Variants in ZSWIM5 observed in about 807,000 individuals in gnomAD.
ZSWIM5 encodes the protein zinc finger SWIM-type containing 5, also known as zinc finger SWIM domain-containing protein 5.
A neutral mutation model predicts 119.6 loss-of-function variants in ZSWIM5; 55 were observed. The ratio of observed to expected loss-of-function variants is 0.46; its 90% CI spans 0.37 to 0.58. ZSWIM5 has a LOEUF of 0.58. ZSWIM5 is among the 20% of genes least tolerant of loss of function. The pLI, the probability that ZSWIM5 is intolerant of heterozygous loss-of-function variation, is 0.00. For synonymous variants in ZSWIM5, 537 were observed against 606.9 expected (o/e 0.88, Z 1.69); for missense variants, 1,193 against 1,512.8 (o/e 0.79, Z 3.51).
chr1:45,173,280 C>T (rs1051624092), intron 1 of ZSWIM5, among the ~76,000 whole-genome samples: 13 of 152,062 alleles, frequency 8.5e-5, no homozygotes, highest in African/African-American at 1.9e-4. Flanking sequence ...GTCTCAATAA[C>T]GGAGCTACTG....
chr1:45,056,916 A>C (rs1425097172), intron 4 of ZSWIM5, among the ~76,000 whole-genome samples: 7 of 152,216 alleles, frequency 4.6e-5, no homozygotes, highest in African/African-American at 1.7e-4. Flanking sequence ...TCTAGTTCAG[A>C]AATGGAAAGT....
Position 45,019,974 on chromosome 1 carries a change from AAT to A in ZSWIM5, c.2695+90_2695+91del. 9.2e-7 allele frequency: 1 copy of A among 1,087,182 alleles called. No individual in the cohort carries two copies. The highest frequency in any genetic ancestry group is 1.4e-6 in the Non-Finnish European group (1 of 721,338). The allele number at this position is 1,087,182 out of a possible 1,614,324, so 67.3% of individuals were successfully genotyped here. ...CCTGATGGACCTAAGATCTCATAGG[AAT>A]ATGAGAGCTCTAAGGATTGATTGTC... On this transcript the variant is annotated intron_variant, in intron 13 of 13. Transcript: ENST00000359600. The surrounding 1 kb of genome is among the most constrained non-coding windows in gnomAD (Gnocchi z 5.0).
intron 5 of ZSWIM5, among the ~76,000 whole-genome samples, chr1:45,048,268 G>A (rs55741524): frequency 2.0e-5 from 3 of 151,938 alleles, no homozygotes; most frequent in Non-Finnish European, 2.9e-5. Context: ...TCGAACTCCT[G>A]AGTTCAAGGG....
chr1:45,204,365 C>T (rs1646174932), intron 1 of ZSWIM5, among the ~76,000 whole-genome samples: 2 of 152,140 alleles, frequency 1.3e-5, no homozygotes, highest in Non-Finnish European at 2.9e-5. Context: ...TAAAGCTGTA[C>T]ACCTTAATTA....
At chr1:45,061,832 T>G (rs911346769) in intron 2 of ZSWIM5, among the ~76,000 whole-genome samples, 3 of 151,430 alleles carry the variant, frequency 2.0e-5, no homozygotes, top group Non-Finnish European at 4.4e-5. Flanking sequence ...GGCTCATGCC[T>G]GCACTCCCAG....
Position 45,043,343 on chromosome 1 carries a change from A to G in ZSWIM5, c.1485T>C (p.Arg495=), listed in dbSNP as rs904468757. ...GGTGGCTATCCTGCCAATGTAATTC[A>G]CGCCCCTCAATGGCTCTAGTGAATA... The part of the protein sequence containing the change: ...RTVFTRAIEG[R]ELHWQDSHLQ... Residue 495 remains arginine, a synonymous_variant, in exon 6 of 14, where the codon CGT becomes CGC. Coordinates refer to ENST00000359600, the MANE Select transcript of ZSWIM5 (RefSeq NM_020883.2). The G allele has an allele frequency of 3.7e-6, 6 of 1,614,120 alleles. No homozygotes were observed. The African/African-American group carries it at 5.3e-5, about 14-fold the overall frequency.
At chr1:45,073,695 T>A (rs1645238483) in intron 2 of ZSWIM5, among the ~76,000 whole-genome samples, 1 of 151,930 alleles carries the variant, frequency 6.6e-6, no homozygotes, top group Non-Finnish European at 1.5e-5. Flanking sequence ...TAATTTGACT[T>A]CTTCCTTTCC....
At chr1:45,105,589 C>A (rs558134521) in intron 1 of ZSWIM5, among the ~76,000 whole-genome samples, 1 of 148,060 alleles carries the variant, frequency 6.8e-6, no homozygotes, top group South Asian at 2.2e-4. Context: ...AGTGCCTCTG[C>A]CTGGCCGCCC....
At chr1:45,059,806 G>T (rs1489800126) in intron 3 of ZSWIM5, among the ~76,000 whole-genome samples, 1 of 152,106 alleles carries the variant, frequency 6.6e-6, no homozygotes, top group African/African-American at 2.4e-5. Flanking sequence ...GCTTCATCAG[G>T]CAGCACTGGA....
intron 2 of ZSWIM5, chr1:45,070,174 C>G: frequency 1.5e-6 from 2 of 1,311,584 alleles, no homozygotes; most frequent in Non-Finnish European, 2.2e-6. Flanking sequence ...GCAAGTCCTT[C>G]CATAATATAC....
At chr1:45,073,204 T>C (rs1645234503) in intron 2 of ZSWIM5, among the ~76,000 whole-genome samples, 1 of 150,614 alleles carries the variant, frequency 6.6e-6, no homozygotes. Context: ...CTTTTTAAAT[T>C]TATTTTTTAG....
chr1:45,198,285 T>C (rs528182240), intron 1 of ZSWIM5, among the ~76,000 whole-genome samples: 5 of 152,186 alleles, frequency 3.3e-5, no homozygotes, highest in East Asian at 3.8e-4. Flanking sequence ...CACTGAAGAA[T>C]TGTGACAGGA....
chr1:45,040,444 A>G lies in ZSWIM5; in HGVS notation c.1704T>C (p.Thr568=). ...GTTGCCGCTGCTGCTGCAACCTCAG[A>G]GTATTAATAATGGCCACTGTGAGTC... is the stretch of plus-strand genomic sequence containing the variant. ...ALRLTVAIIN[T]LRLQQQRQLE... Residue 568 remains threonine (T), a synonymous_variant, in exon 7 of 14, where the codon ACT becomes ACC. Transcript: ENST00000359600. 6.2e-7 allele frequency: 1 copy of G among 1,611,620 alleles called. No homozygotes were observed. Among genetic ancestry groups the G allele is most frequent in the Non-Finnish European group, 8.5e-7 (1 of 1,178,958 alleles).
intron 1 of ZSWIM5, among the ~76,000 whole-genome samples, chr1:45,120,295 C>T (rs747157126): frequency 6.6e-6 from 1 of 152,138 alleles, no homozygotes; most frequent in Non-Finnish European, 1.5e-5. Flanking sequence ...AGTGAGCCGC[C>T]ACCACACTCC....
Position 45,040,394 on chromosome 1 carries a change from T to C in ZSWIM5, c.1754A>G (p.Lys585Arg). 1.2e-6 allele frequency: 2 copies of C among 1,609,188 alleles called. No individual in the cohort carries two copies. Among genetic ancestry groups the C allele is most frequent in the Non-Finnish European group, 1.7e-6 (2 of 1,177,890 alleles). ...RQLEIYKHQK[K>R]ELLQRGTTTI... is the part of the protein sequence containing the mutation. ...TAGATGGCTCCTAATTACTATACCT[T>C]TCTTCTGATGCTTGTAGATTTCCAG... Residue 585 changes from lysine (K) to arginine (R), a missense_variant and splice_region_variant, in exon 7 of 14, where the codon AAA becomes AGA. Lys to Arg is a conservative substitution (Grantham distance 26). Transcript: ENST00000359600.
chr1:45,090,556 G>A (rs1463883825), intron 1 of ZSWIM5, among the ~76,000 whole-genome samples: 2 of 151,846 alleles, frequency 1.3e-5, no homozygotes, highest in African/African-American at 4.8e-5. Context: ...TTCAAGACCA[G>A]CCTCAGCAAC....
chr1:45,190,839 G>A (rs1646086994), intron 1 of ZSWIM5, among the ~76,000 whole-genome samples: 1 of 150,998 alleles, frequency 6.6e-6, no homozygotes, highest in African/African-American at 2.4e-5. Flanking sequence ...TGCAATGCAG[G>A]CCTGATAAAA....
At position 45,088,988 on chromosome 1, in the gene ZSWIM5, CT is replaced by C. The variant is rs1645347985; in HGVS notation, c.596-752del. Among the ~76,000 whole-genome samples the C allele has an allele frequency of 6.6e-6, 1 of 152,120 alleles. No homozygotes were observed. Among genetic ancestry groups the C allele is most frequent in the Non-Finnish European group, 1.5e-5 (1 of 68,028 alleles). ...TTATTATTATTTTTATCTCTGGGGT[CT>C]TGCTCTGCCACCGAGGCTGGAGTGC... On this transcript the variant is annotated intron_variant, in intron 1 of 13. Transcript: ENST00000359600. This position sits in a 1 kb window ranked among gnomAD's most constrained non-coding sequence, Gnocchi z 4.2.
intron 1 of ZSWIM5, among the ~76,000 whole-genome samples, chr1:45,167,526 G>C (rs1368397741): frequency 3.3e-5 from 5 of 151,978 alleles, no homozygotes; most frequent in African/African-American, 1.2e-4. Context: ...TACCATCAGG[G>C]TGAACAGGCA....
Sources: gnomAD v4.1 joint callset for allele counts (sites outside exome capture counted in the v4.1 genomes callset) on GRCh38, gnomAD v4.1.1 for gene constraint, Gnocchi (gnomAD v3.1) non-coding constraint, MANE v1.5 for transcripts, NCBI Gene and HGNC (gene_info 2026-07-23, HGNC 2026-07-21) for gene names.